Variants in NUBPL observed in about 807,000 individuals in gnomAD.
The protein encoded by NUBPL is NUBP iron-sulfur cluster assembly factor, mitochondrial, also known as iron-sulfur cluster transfer protein NUBPL.
A neutral mutation model predicts 45.7 loss-of-function variants in NUBPL; 31 were observed. The ratio of observed to expected loss-of-function variants is 0.68; its 90% CI spans 0.51 to 0.92. NUBPL has a LOEUF of 0.92. Ranked by LOEUF, NUBPL falls within the 40% of genes least tolerant of loss-of-function variation. NUBPL has a pLI of 0.00. For missense variants in NUBPL, 401 were observed against 398.7 expected, an observed-to-expected ratio of 1.01 and a Z score of -0.05; for synonymous variants, 144 against 140.9, an observed-to-expected ratio of 1.02 and a Z score of -0.15.
chr14:31,798,665 G>C (rs7151228), intron 7 of NUBPL, among the ~76,000 whole-genome samples: 1 of 149,876 alleles, frequency 6.7e-6, no homozygotes, highest in African/African-American at 2.5e-5. Flanking sequence ...AGTGGCGGGC[G>C]CCTGTAGTCC....
chr14:31,561,705 C>A, intron 1 of NUBPL, 158 bp downstream of exon 1: 2 of 558,148 alleles, frequency 3.6e-6, no homozygotes, highest in Non-Finnish European at 6.1e-6. Context: ...CAGGCTGAGG[C>A]GTGGCGGGAC....
At chr14:31,574,739 G>A (rs959212347) in intron 3 of NUBPL, among the ~76,000 whole-genome samples, 15 of 150,256 alleles carry the variant, frequency 1.0e-4, no homozygotes, top group African/African-American at 3.4e-4. Context: ...ACAGGCACAT[G>A]CCCAGCTAAT....
intron 6 of NUBPL, among the ~76,000 whole-genome samples, chr14:31,730,549 C>T (rs918645013): frequency 5.9e-5 from 9 of 151,714 alleles, no homozygotes; most frequent in African/African-American, 1.5e-4. Context: ...CTGCAAGCTC[C>T]GCCTCCTGGG....
chr14:31,742,680 T>C (rs910348445), intron 6 of NUBPL, among the ~76,000 whole-genome samples: 1 of 152,160 alleles, frequency 6.6e-6, no homozygotes, highest in Non-Finnish European at 1.5e-5. Context: ...CTCAGCTCAC[T>C]GCAACCTCCA....
At chr14:31,833,264 G>A (rs558826351) in intron 8 of NUBPL, among the ~76,000 whole-genome samples, 2 of 152,210 alleles carry the variant, frequency 1.3e-5, no homozygotes, top group Non-Finnish European at 1.5e-5. Flanking sequence ...AGCTACTCAG[G>A]AGGCTGAGGT....
intron 4 of NUBPL, among the ~76,000 whole-genome samples, chr14:31,610,704 A>T (rs545967362): frequency 6.6e-6 from 1 of 152,130 alleles, no homozygotes; most frequent in Admixed American, 6.5e-5. Flanking sequence ...AGGAAACCAA[A>T]TTCAGTAATA....
chr14:31,708,648 A>G (rs2037504641), intron 6 of NUBPL, among the ~76,000 whole-genome samples: 1 of 152,222 alleles, frequency 6.6e-6, no homozygotes, highest in Non-Finnish European at 1.5e-5. Flanking sequence ...CGTCCAGGAC[A>G]GGAGATTAAC....
At chr14:31,651,907 A>T (rs1203799706) in intron 4 of NUBPL, among the ~76,000 whole-genome samples, 2 of 151,790 alleles carry the variant, frequency 1.3e-5, no homozygotes, top group African/African-American at 4.8e-5. Flanking sequence ...TCAAAAAAAA[A>T]AAAAAAGAAA....
At chr14:31,632,284 G>C (rs1339902558) in intron 4 of NUBPL, among the ~76,000 whole-genome samples, 1 of 152,200 alleles carries the variant, frequency 6.6e-6, no homozygotes, top group Non-Finnish European at 1.5e-5. Flanking sequence ...ATCTGAGAGA[G>C]AGTCTTGTAG....
At chr14:31,605,319 T>A (rs569764957) in intron 4 of NUBPL, among the ~76,000 whole-genome samples, 9 of 152,304 alleles carry the variant, frequency 5.9e-5, no homozygotes, top group Middle Eastern at 3.4e-3. Flanking sequence ...TGATGAAAAA[T>A]CACTTTCAGA....
intron 8 of NUBPL, among the ~76,000 whole-genome samples, chr14:31,833,659 T>G (rs1041300572): frequency 1.3e-5 from 2 of 152,202 alleles, no homozygotes; most frequent in Non-Finnish European, 2.9e-5. Flanking sequence ...CAGAGTAGCC[T>G]TCTTCCATGC....
intron 4 of NUBPL, among the ~76,000 whole-genome samples, chr14:31,668,820 A>G (rs1411556741): frequency 1.3e-5 from 2 of 152,172 alleles, no homozygotes; most frequent in African/African-American, 4.8e-5. Context: ...TGCACTTCCC[A>G]GATGAGGTGA....
At chr14:31,805,618 A>G (rs2039670640) in intron 7 of NUBPL, among the ~76,000 whole-genome samples, 1 of 152,152 alleles carries the variant, frequency 6.6e-6, no homozygotes, top group African/African-American at 2.4e-5. Context: ...GGGGACATGG[A>G]TGGAGCTGGA....
chr14:31,665,916 G>A (rs1477379033), intron 4 of NUBPL, among the ~76,000 whole-genome samples: 1 of 152,010 alleles, frequency 6.6e-6, no homozygotes, highest in Non-Finnish European at 1.5e-5. Flanking sequence ...GGGTGCTCCT[G>A]TATTGGGTGC....
At chr14:31,693,852 C>CTT (rs138873656) in intron 6 of NUBPL, among the ~76,000 whole-genome samples, 1,318 of 66,350 alleles carry the variant, frequency 0.02, 127 homozygotes, top group African/African-American at 0.044. Context: ...ATTTTCTTTT[C>CTT]TTTTCTTTTT....
At chr14:31,625,426 A>G (rs2035179462) in intron 4 of NUBPL, among the ~76,000 whole-genome samples, 1 of 151,688 alleles carries the variant, frequency 6.6e-6, no homozygotes, top group South Asian at 2.1e-4. Flanking sequence ...GTACATTGCT[A>G]TGCTCTAGGG....
intron 4 of NUBPL, among the ~76,000 whole-genome samples, chr14:31,632,359 A>G (rs1344028549): frequency 6.6e-6 from 1 of 152,208 alleles, no homozygotes; most frequent in East Asian, 1.9e-4. Flanking sequence ...GGGCTACCCT[A>G]CAGAGAGGAA....
intron 3 of NUBPL, chr14:31,577,973 T>A (rs2033761023): frequency 7.8e-7 from 1 of 1,289,224 alleles, no homozygotes; most frequent in Non-Finnish European, 1.0e-6. Context: ...GGGGACTGCG[T>A]CTTAAATCAT....
At chr14:31,684,074 T>C (rs1417104960) in intron 6 of NUBPL, among the ~76,000 whole-genome samples, 1 of 152,206 alleles carries the variant, frequency 6.6e-6, no homozygotes, top group Non-Finnish European at 1.5e-5. Flanking sequence ...CATCCATAGC[T>C]CAATAGCTAA....
Sources: gnomAD v4.1 joint callset for allele counts (sites outside exome capture counted in the v4.1 genomes callset) on GRCh38, gnomAD v4.1.1 for gene constraint, MANE v1.5 for transcripts, NCBI Gene and HGNC (gene_info 2026-07-23, HGNC 2026-07-21) for gene names.